AGBL4: variants seen among roughly 807,000 people sequenced by gnomAD.
AGBL4 encodes cytosolic carboxypeptidase 6.
AGBL4 carries 58 observed loss-of-function variants against 66.4 expected under a neutral mutation model. That is an observed-to-expected ratio of 0.87 (90% CI 0.71 to 1.09). The LOEUF (loss-of-function observed/expected upper bound fraction) is 1.09. AGBL4 is among the 50% of genes least tolerant of loss of function. The pLI, the probability that AGBL4 is intolerant of heterozygous loss-of-function variation, is 0.00. For synonymous variants in AGBL4, 234 were observed against 222.9 expected (o/e 1.05, Z -0.44); for missense variants, 579 against 631.0 (o/e 0.92, Z 0.88).
chr1:48,727,818 C>T (rs773104636), intron 6 of AGBL4: 19 of 1,453,128 alleles, frequency 1.3e-5, no homozygotes, highest in Admixed American at 3.5e-5. Context: ...CTGATTTGGA[C>T]GGCACCATCG....
chr1:49,013,603 C>T (rs1196692471), intron 5 of AGBL4, among the ~76,000 whole-genome samples: 2 of 152,176 alleles, frequency 1.3e-5, no homozygotes, highest in Non-Finnish European at 2.9e-5. Context: ...ATTGTCCCTA[C>T]CATTATGCTC....
chr1:48,694,765 A>G (rs1214220267), intron 6 of AGBL4, among the ~76,000 whole-genome samples: 1 of 152,118 alleles, frequency 6.6e-6, no homozygotes, highest in Non-Finnish European at 1.5e-5. Flanking sequence ...ACCATCTAGC[A>G]AGACCCCTTG....
intron 3 of AGBL4, among the ~76,000 whole-genome samples, chr1:49,305,301 T>C (rs1644829301): frequency 6.6e-6 from 1 of 152,230 alleles, no homozygotes; most frequent in African/African-American, 2.4e-5. Flanking sequence ...AGAAACCAAT[T>C]ACAGTCATCC....
chr1:49,245,257 TACACACACACACACACACACAC>T (rs139244286), intron 4 of AGBL4, among the ~76,000 whole-genome samples: 2 of 139,146 alleles, frequency 1.4e-5, no homozygotes, highest in Admixed American at 7.3e-5. Context: ...AACTTTAAAA[TACACACACACACACACACACAC>T]ACACACACAC....
intron 9 of AGBL4, among the ~76,000 whole-genome samples, chr1:48,598,113 G>A (rs1224939112): frequency 6.6e-6 from 1 of 152,204 alleles, no homozygotes; most frequent in Admixed American, 6.5e-5. Flanking sequence ...GGTTTGCAGG[G>A]TCCAGATCAC....
chr1:49,218,942 C>G (rs1338023262), intron 4 of AGBL4, among the ~76,000 whole-genome samples: 1 of 152,130 alleles, frequency 6.6e-6, no homozygotes, highest in Non-Finnish European at 1.5e-5. Flanking sequence ...TGCCTTTCAC[C>G]TTCTGCCATG....
chr1:48,990,291 T>C (rs904949564), intron 5 of AGBL4, among the ~76,000 whole-genome samples: 2 of 152,170 alleles, frequency 1.3e-5, no homozygotes, highest in East Asian at 3.9e-4. Flanking sequence ...TATGAATGCC[T>C]GGTCAGATGA....
At chr1:49,500,109 C>T (rs1000046511) in intron 3 of AGBL4, among the ~76,000 whole-genome samples, 1 of 151,990 alleles carries the variant, frequency 6.6e-6, no homozygotes, top group African/African-American at 2.4e-5. Context: ...TTTTAATTAG[C>T]ATTTTCCTGA....
chr1:49,176,277 C>G (rs922488021), intron 4 of AGBL4, among the ~76,000 whole-genome samples: 1 of 152,118 alleles, frequency 6.6e-6, no homozygotes, highest in Non-Finnish European at 1.5e-5. Flanking sequence ...GTCTTAGTCT[C>G]AAGTTGCAGT....
At chr1:49,285,070 A>T (rs902458807) in intron 3 of AGBL4, among the ~76,000 whole-genome samples, 10 of 151,930 alleles carry the variant, frequency 6.6e-5, no homozygotes, top group African/African-American at 2.2e-4. Flanking sequence ...CAGAATATAC[A>T]TTTTTTTCAG....
intron 5 of AGBL4, among the ~76,000 whole-genome samples, chr1:49,023,244 G>A (rs139569657): frequency 9.5e-4 from 144 of 152,224 alleles, no homozygotes; most frequent in African/African-American, 3.3e-3. Context: ...ATGAAATCAG[G>A]ACAAGGTTTA....
intron 6 of AGBL4, chr1:48,776,756 G>C (rs1645111652): frequency 1.3e-6 from 2 of 1,527,640 alleles, no homozygotes; most frequent in Non-Finnish European, 1.8e-6. Context: ...CGCGAGCGGG[G>C]GCTGAAGTCG....
At chr1:49,147,902 C>A (rs553955014) in intron 4 of AGBL4, among the ~76,000 whole-genome samples, 2 of 152,228 alleles carry the variant, frequency 1.3e-5, no homozygotes, top group Non-Finnish European at 2.9e-5. Context: ...ATGCAAGTTG[C>A]TTCCAGTATC....
Position 48,663,152 on chromosome 1 carries a change from C to T in AGBL4, c.724G>A (p.Gly242Arg), listed in dbSNP as rs1646134392. The T allele has an allele frequency of 6.2e-7, 1 of 1,613,866 alleles. No individual in the cohort carries two copies. Among genetic ancestry groups the T allele is most frequent in the Admixed American group, 1.7e-5 (1 of 60,020 alleles). Reference sequence around the variant, plus strand: ...ATACCTATGAGATCCTGCCACTCACCTTGGCACACAAATGATGAGGGTGTT... The same window carrying T: ...ATACCTATGAGATCCTGCCACTCACTTTGGCACACAAATGATGAGGGTGTT... ...GETPSSFVCQ[G>R]IIDFLVSQHP... The change falls in exon 7 of 14, where the codon GGG becomes AGG. Residue 242 changes from glycine to arginine, a missense_variant and splice_region_variant. By Grantham distance (125) the Gly-to-Arg change is moderately radical. Transcript: ENST00000371839.
At chr1:48,805,144 G>A (rs2148748931) in intron 6 of AGBL4, among the ~76,000 whole-genome samples, 1 of 152,292 alleles carries the variant, frequency 6.6e-6, no homozygotes, top group East Asian at 1.9e-4. Context: ...TGGACTCAAA[G>A]TACTCACGAT....
chr1:49,093,090 T>A (rs1306674877), intron 4 of AGBL4, among the ~76,000 whole-genome samples: 1 of 152,148 alleles, frequency 6.6e-6, no homozygotes, highest in Non-Finnish European at 1.5e-5. Flanking sequence ...AGATTGCAAC[T>A]AATTATCACC....
intron 2 of AGBL4, among the ~76,000 whole-genome samples, chr1:49,722,798 C>G (rs897057593): frequency 6.6e-6 from 1 of 152,096 alleles, no homozygotes; most frequent in Non-Finnish European, 1.5e-5. Flanking sequence ...ATTAACTTCT[C>G]TCCGTTTCCA....
At chr1:49,194,321 AT>A (rs1647183296) in intron 4 of AGBL4, among the ~76,000 whole-genome samples, 2 of 152,184 alleles carry the variant, frequency 1.3e-5, no homozygotes, top group Admixed American at 6.5e-5. Flanking sequence ...TTTATTTGAT[AT>A]AAGAAGAGCT....
intron 3 of AGBL4, among the ~76,000 whole-genome samples, chr1:49,363,790 A>G (rs1458397998): frequency 6.6e-6 from 1 of 152,342 alleles, no homozygotes; most frequent in African/African-American, 2.4e-5. Context: ...GTGAGTAAAC[A>G]AATATATAGA....
Sources: gnomAD v4.1 joint callset for allele counts (sites outside exome capture counted in the v4.1 genomes callset) on GRCh38, gnomAD v4.1.1 for gene constraint, MANE v1.5 for transcripts, NCBI Gene and HGNC (gene_info 2026-07-23, HGNC 2026-07-21) for gene names.